Variants in PCDHA6 observed in about 807,000 individuals in gnomAD.
The protein encoded by PCDHA6 is protocadherin alpha-6.
In PCDHA6, 55 loss-of-function variants were observed where a neutral mutation model predicts 60.3. The observed-to-expected ratio is 0.91, with a 90% CI of 0.73 to 1.14. The LOEUF (loss-of-function observed/expected upper bound fraction) is 1.14. PCDHA6 is among the 50% of genes most tolerant of loss of function. PCDHA6 has a pLI of 0.00. For missense variants in PCDHA6, 1,327 were observed against 1,256.5 expected (o/e 1.06, Z -0.85); for synonymous variants, 652 against 557.9 (o/e 1.17, Z -2.38).
At chr5:140,831,927 A>G (rs1415813299) in intron 1 of PCDHA6, among the ~76,000 whole-genome samples, 1 of 152,160 alleles carries the variant, frequency 6.6e-6, no homozygotes, top group African/African-American at 2.4e-5. Context: ...ATTTGCTACT[A>G]GTTTTCCGAA....
chr5:140,829,447 T>G lies in PCDHA6; in HGVS notation c.1356T>G (p.Ala452=), dbSNP rs2150168122. The G allele has an allele frequency of 6.2e-7, 1 of 1,613,912 alleles. No individual in the cohort carries two copies. Among genetic ancestry groups the G allele is most frequent in the Non-Finnish European group, 8.5e-7 (1 of 1,180,026 alleles). ...AGGTGGCCGACATGAATGACAATGC[T>G]CCGGCGTTCGCGCAGCCCGAGTACA... ...SVEVADMNDN[A]PAFAQPEYTV... is the part of the protein sequence containing the mutation. Residue 452 remains alanine (A), a synonymous_variant, in exon 1 of 4, where the codon GCT becomes GCG. Transcript: ENST00000529310.
At position 140,877,853 on chromosome 5, in the gene PCDHA6, A is replaced by G. The variant is rs1299590962; in HGVS notation, c.2394+47368A>G. On this transcript the variant is annotated intron_variant, in intron 1 of 3. Transcript: ENST00000529310. ...CCTCCCAGTGAAGTAAGTTATTAAT[A>G]TTATTTAGATATATTTGTTTCCTTG... 2.0e-6 allele frequency: 3 copies of G among 1,535,406 alleles called. No homozygotes were observed. The East Asian group carries it at 7.1e-5, about 36-fold the overall frequency.
At chr5:140,953,228 G>C (rs2094861370) in intron 1 of PCDHA6, among the ~76,000 whole-genome samples, 2 of 152,124 alleles carry the variant, frequency 1.3e-5, no homozygotes, top group African/African-American at 4.8e-5. Context: ...CTTCTGCTTG[G>C]TAGCAGTTCA....
intron 2 of PCDHA6, chr5:140,982,259 G>A (rs2153828072): frequency 2.4e-6 from 2 of 820,856 alleles, no homozygotes; most frequent in South Asian, 4.9e-5. Context: ...GAACATGTGT[G>A]TTCCTGGAAT....
At chr5:140,834,488 C>T (rs2150219556) in intron 1 of PCDHA6, 20 of 1,614,036 alleles carry the variant, frequency 1.2e-5, no homozygotes, top group East Asian at 6.7e-5. Context: ...ACTACTCGGT[C>T]CCCGAGGAGG....
chr5:140,904,939 T>G (rs1418494936), intron 1 of PCDHA6, among the ~76,000 whole-genome samples: 3 of 152,254 alleles, frequency 2.0e-5, no homozygotes, highest in Admixed American at 2.0e-4. Flanking sequence ...TTCTGGATAT[T>G]AGTCCTTTGT....
chr5:140,892,536 A>G (rs916916323), intron 1 of PCDHA6, among the ~76,000 whole-genome samples: 1 of 152,208 alleles, frequency 6.6e-6, no homozygotes, highest in African/African-American at 2.4e-5. Flanking sequence ...CAGGATTCTG[A>G]CTTTTGTTTC....
chr5:141,009,407 G>T (rs990895210), intron 3 of PCDHA6, among the ~76,000 whole-genome samples: 2 of 152,184 alleles, frequency 1.3e-5, no homozygotes, highest in Admixed American at 6.5e-5. Flanking sequence ...TGCAGTGACT[G>T]CATTTCAGCC....
intron 1 of PCDHA6, among the ~76,000 whole-genome samples, chr5:140,887,995 G>A (rs537858803): frequency 8.5e-5 from 13 of 152,066 alleles, no homozygotes; most frequent in South Asian, 6.2e-4. Context: ...TGTCTCCACC[G>A]AATAGTCATC....
Position 141,009,798 on chromosome 5 carries a change from A to G in PCDHA6, c.2714A>G (p.Asn905Ser). Residue 905 changes from asparagine (N) to serine (S), a missense_variant, in exon 4 of 4, where the codon AAC (asparagine) becomes AGC (serine). Physicochemically the swap from Asn to Ser is conservative, Grantham distance 46. Transcript: ENST00000529310. ...AIISIRQEPT[N>S]SQIDKSDFIT... The stretch of plus-strand genomic sequence containing the variant: ...ATCTCCATCCGGCAGGAGCCTACTA[A>G]CAGCCAAATTGACAAAAGTGACTTC... 2 of 1,614,116 alleles carry G rather than the reference A, an allele frequency of 1.2e-6. No homozygotes were observed. Among genetic ancestry groups the G allele is most frequent in the Non-Finnish European group, 1.7e-6 (2 of 1,180,014 alleles).
chr5:140,923,142 T>C (rs553287064), intron 1 of PCDHA6, among the ~76,000 whole-genome samples: 9 of 152,006 alleles, frequency 5.9e-5, no homozygotes, highest in Non-Finnish European at 1.2e-4. Context: ...AGGTGGAATA[T>C]AAAAAAAATT....
chr5:140,994,786 T>C (rs1219918332), intron 3 of PCDHA6, among the ~76,000 whole-genome samples: 4 of 152,086 alleles, frequency 2.6e-5, no homozygotes, highest in Non-Finnish European at 5.9e-5. Context: ...AAGGAAACAA[T>C]GCGTGCATGC....
chr5:140,884,766 T>G, intron 1 of PCDHA6: 1 of 1,416,492 alleles, frequency 7.1e-7, no homozygotes, highest in Non-Finnish European at 9.3e-7. Context: ...TTCTTTACTT[T>G]AATTTTAATT....
At chr5:140,957,194 G>A (rs2095341106) in intron 1 of PCDHA6, among the ~76,000 whole-genome samples, 1 of 152,012 alleles carries the variant, frequency 6.6e-6, no homozygotes, top group Non-Finnish European at 1.5e-5. Context: ...TGACCGATTG[G>A]GAATATAAAT....
chr5:140,984,666 G>T (rs769681431), intron 3 of PCDHA6, among the ~76,000 whole-genome samples: 115 of 152,058 alleles, frequency 7.6e-4, no homozygotes, highest in Admixed American at 1.2e-3. Flanking sequence ...GTACTTTTAG[G>T]TTTTTAGGAC....
At chr5:140,956,020 T>C (rs2095249402) in intron 1 of PCDHA6, among the ~76,000 whole-genome samples, 1 of 152,240 alleles carries the variant, frequency 6.6e-6, no homozygotes, top group Non-Finnish European at 1.5e-5. Context: ...TTTGCTGAAG[T>C]TGCTTATCAG....
At chr5:140,967,680 G>A in intron 1 of PCDHA6, 4 of 1,614,228 alleles carry the variant, frequency 2.5e-6, no homozygotes, top group South Asian at 1.1e-5. Context: ...GACCGGGAGA[G>A]GCAGCTCTTC....
chr5:140,872,923 C>T (rs2053985502), intron 1 of PCDHA6, among the ~76,000 whole-genome samples: 1 of 152,102 alleles, frequency 6.6e-6, no homozygotes, highest in Non-Finnish European at 1.5e-5. Flanking sequence ...TGCCTTATCT[C>T]TAATGTTTTT....
At chr5:140,933,212 T>C (rs2088935461) in intron 1 of PCDHA6, among the ~76,000 whole-genome samples, 1 of 151,682 alleles carries the variant, frequency 6.6e-6, no homozygotes, top group African/African-American at 2.4e-5. Context: ...ATTACATGTC[T>C]GTTATATTGC....
Sources: allele counts gnomAD v4.1 joint callset (sites outside exome capture counted in the v4.1 genomes callset), GRCh38; gene constraint gnomAD v4.1.1; transcripts MANE v1.5; gene names NCBI Gene and HGNC (gene_info 2026-07-23, HGNC 2026-07-21).